Variants in CYSLTR2 observed in about 807,000 individuals in gnomAD.
CYSLTR2 encodes cysteinyl leukotriene receptor 2.
For synonymous variants in CYSLTR2, 179 were observed against 160.8 expected, an observed-to-expected ratio of 1.11 and a Z score of -0.86; for missense variants, 398 against 411.9, an observed-to-expected ratio of 0.97 and a Z score of 0.29.
chr13:48,709,239 T>C lies in CYSLTR2; in HGVS notation c.*1381T>C, dbSNP rs1954579749. ...TCCTTTCCTACCAATTTCCTCCCCC[T>C]CCTCACTCTCACAAGAAAACCAAAA... On this transcript the variant is annotated 3_prime_UTR_variant, in exon 5 of 5. Coordinates refer to ENST00000682523, the MANE Select transcript of CYSLTR2 (RefSeq NM_001308476.3). 6.0e-6 allele frequency: 1 copy of C among 167,052 alleles called. No individual in the cohort carries two copies. Among genetic ancestry groups the C allele is most frequent in the Admixed American group, 6.5e-5 (1 of 15,284 alleles). The allele number at this position is 167,052 out of a possible 1,614,324, so 10.3% of individuals were successfully genotyped here.
chr13:48,673,679 T>C (rs753476021), intron 1 of CYSLTR2, among the ~76,000 whole-genome samples: 2 of 152,088 alleles, frequency 1.3e-5, no homozygotes, highest in Non-Finnish European at 1.5e-5. Context: ...TGCCAGCTGG[T>C]TATTTTGCAC....
chr13:48,661,297 A>G (rs182174313), intron 1 of CYSLTR2, among the ~76,000 whole-genome samples: 1 of 152,004 alleles, frequency 6.6e-6, no homozygotes, highest in South Asian at 2.1e-4. Flanking sequence ...GAGGGAGATA[A>G]AGTCATTTTC....
At chr13:48,663,969 CAT>C (rs1376416632) in intron 1 of CYSLTR2, among the ~76,000 whole-genome samples, 2 of 151,978 alleles carry the variant, frequency 1.3e-5, no homozygotes, top group Non-Finnish European at 1.5e-5. Context: ...GAGTTTGTCA[CAT>C]GTGGCCTTTG....
intron 1 of CYSLTR2, among the ~76,000 whole-genome samples, chr13:48,671,252 T>G (rs1208345293): frequency 6.6e-6 from 1 of 152,200 alleles, no homozygotes; most frequent in Non-Finnish European, 1.5e-5. Context: ...TCTCTTCCTA[T>G]TTGAATACAC....
intron 1 of CYSLTR2, among the ~76,000 whole-genome samples, chr13:48,687,070 A>G (rs1953910956): frequency 6.6e-6 from 1 of 152,044 alleles, no homozygotes; most frequent in African/African-American, 2.4e-5. Flanking sequence ...TTGCTCCTGG[A>G]GCTGGGACAT....
chr13:48,669,295 T>A (rs8001963), intron 1 of CYSLTR2, among the ~76,000 whole-genome samples: 37,503 of 151,638 alleles, frequency 0.25, 5,878 homozygotes, highest in African/African-American at 0.45. Flanking sequence ...TTTTTTTTTT[T>A]AATTTAAGTT....
At position 48,706,948 on chromosome 13, in the gene CYSLTR2, T is replaced by C. The variant is rs199810059; in HGVS notation, c.131T>C (p.Val44Ala). The C allele has an allele frequency of 2.5e-5, 40 of 1,614,240 alleles. No homozygotes were observed. Among genetic ancestry groups the C allele is most frequent in the Middle Eastern group, 3.3e-4 (2 of 6,062 alleles). Residue 44 changes from valine to alanine, a missense_variant, in exon 5 of 5, where the codon GTA (valine) becomes GCA (alanine). Transcript: ENST00000682523. ...TTCAAGAGAGAATTTTTCCCAATTG[T>C]ATATCTGATAATATTTTTCTGGGGA... ...ENFKREFFPI[V>A]YLIIFFWGVL...
chr13:48,686,880 G>A lies in CYSLTR2; in HGVS notation c.-265-4332G>A, dbSNP rs537597578. ...AGTCAAGTCAACTTGACTGGATTAA[G>A]GAATACCTGGAGAACTTGTAAAGCA... is the stretch of plus-strand genomic sequence containing the variant. On this transcript the variant is annotated intron_variant, in intron 1 of 4. Transcript: ENST00000682523. Among the ~76,000 whole-genome samples, 4 of 152,238 alleles carry A rather than the reference G, an allele frequency of 2.6e-5. No homozygotes were observed. In the East Asian group the frequency reaches 7.7e-4, roughly 29 times the overall value.
chr13:48,692,334 T>A (rs930649145), intron 2 of CYSLTR2, among the ~76,000 whole-genome samples: 3 of 151,998 alleles, frequency 2.0e-5, no homozygotes, highest in African/African-American at 7.2e-5. Context: ...TTCACTAATA[T>A]GGGCATAGCA....
intron 1 of CYSLTR2, among the ~76,000 whole-genome samples, chr13:48,665,773 A>G (rs1953246629): frequency 6.6e-6 from 1 of 152,068 alleles, no homozygotes; most frequent in Non-Finnish European, 1.5e-5. Context: ...AGGCCAGTCT[A>G]TATCTTTTAA....
In CYSLTR2 at chr13:48,665,231, A is replaced by C. The variant is rs559715457; in HGVS notation, c.-266+11214A>C. ...TTTTTGAGACTTGTTTTGTGTCCTA[A>C]TATATTGTAAATCATGGAGAATGTT... On this transcript the variant is annotated intron_variant, in intron 1 of 4. Transcript: ENST00000682523. 8.7e-4 allele frequency among the ~76,000 whole-genome samples: 132 copies of C among 152,164 alleles called. 1 individual carries two copies. Among genetic ancestry groups the C allele is most frequent in the South Asian group, 7.3e-3 (35 of 4,826 alleles).
At chr13:48,661,627 C>T (rs1478385497) in intron 1 of CYSLTR2, among the ~76,000 whole-genome samples, 2 of 152,172 alleles carry the variant, frequency 1.3e-5, no homozygotes, top group African/African-American at 2.4e-5. Flanking sequence ...AGATAGGTCA[C>T]TTCTGCAAAA....
chr13:48,660,473 G>A (rs544947441), intron 1 of CYSLTR2, among the ~76,000 whole-genome samples: 199 of 152,264 alleles, frequency 1.3e-3, no homozygotes, highest in African/African-American at 4.6e-3. Flanking sequence ...GCACTTTGTG[G>A]GTGACCGGGT....
At chr13:48,691,121 T>C (rs1954028975) in intron 1 of CYSLTR2, 91 bp from the exon 2 acceptor site, 1 of 152,106 alleles carries the variant, frequency 6.6e-6, no homozygotes, top group Admixed American at 6.6e-5. Context: ...TTTTGAAATA[T>C]AAGCTTTACC....
At chr13:48,689,036 G>C (rs1411581715) in intron 1 of CYSLTR2, among the ~76,000 whole-genome samples, 1 of 152,132 alleles carries the variant, frequency 6.6e-6, no homozygotes, top group African/African-American at 2.4e-5. Context: ...TCATATGTTT[G>C]TTGGCCGCAT....
chr13:48,686,917 T>C (rs1953907295), intron 1 of CYSLTR2, among the ~76,000 whole-genome samples: 1 of 152,198 alleles, frequency 6.6e-6, no homozygotes, highest in African/African-American at 2.4e-5. Context: ...GACTTCTGCG[T>C]ATGTCTGTGA....
intron 1 of CYSLTR2, among the ~76,000 whole-genome samples, chr13:48,669,941 T>G (rs1953376974): frequency 6.6e-6 from 1 of 152,242 alleles, no homozygotes; most frequent in South Asian, 2.1e-4. Flanking sequence ...CAGCATCTGT[T>G]GCTTCCTGAC....
At chr13:48,674,737 G>T (rs542120054) in intron 1 of CYSLTR2, among the ~76,000 whole-genome samples, 3 of 152,300 alleles carry the variant, frequency 2.0e-5, no homozygotes, top group South Asian at 4.1e-4. Context: ...TTTTGCACTG[G>T]TTTTTCCTCA....
At chr13:48,691,793 A>G (rs889604813) in intron 2 of CYSLTR2, among the ~76,000 whole-genome samples, 1 of 152,086 alleles carries the variant, frequency 6.6e-6, no homozygotes, top group African/African-American at 2.4e-5. Flanking sequence ...TAACTCAAAA[A>G]AGGGTTTAAT....
Sources: gnomAD v4.1 joint callset for allele counts (sites outside exome capture counted in the v4.1 genomes callset) on GRCh38, gnomAD v4.1.1 for gene constraint, MANE v1.5 for transcripts, NCBI Gene and HGNC (gene_info 2026-07-23, HGNC 2026-07-21) for gene names.